Variants in MPP7 observed in about 807,000 individuals in gnomAD.
The protein encoded by MPP7 is MAGUK p55 subfamily member 7.
A neutral mutation model predicts 76.5 loss-of-function variants in MPP7; 60 were observed. The observed-to-expected ratio is 0.78, with a 90% CI of 0.64 to 0.97. The LOEUF (loss-of-function observed/expected upper bound fraction) is 0.97. MPP7 is among the 50% of genes least tolerant of loss of function. The pLI, the probability that MPP7 is intolerant of heterozygous loss-of-function variation, is 0.00. For missense variants in MPP7, 641 were observed against 694.0 expected, an observed-to-expected ratio of 0.92 and a Z score of 0.86; for synonymous variants, 237 against 244.5, an observed-to-expected ratio of 0.97 and a Z score of 0.29.
chr10:28,185,806 AG>A (rs1837217581), intron 3 of MPP7, among the ~76,000 whole-genome samples: 1 of 152,202 alleles, frequency 6.6e-6, no homozygotes, highest in Admixed American at 6.5e-5. Flanking sequence ...GGTGGTGAAT[AG>A]GCCTCCAAGC....
intron 3 of MPP7, among the ~76,000 whole-genome samples, chr10:28,191,733 CT>C (rs2133948024): frequency 6.6e-6 from 1 of 152,318 alleles, no homozygotes; most frequent in East Asian, 1.9e-4. Flanking sequence ...CATTCCAGGT[CT>C]GCAAAATCTA....
intron 2 of MPP7, among the ~76,000 whole-genome samples, chr10:28,215,573 T>C (rs1207377496): frequency 6.6e-6 from 1 of 151,986 alleles, no homozygotes; most frequent in Non-Finnish European, 1.5e-5. Flanking sequence ...AACTTGGAGG[T>C]GCTGAAGTGA....
chr10:28,254,577 G>A (rs1673231), intron 1 of MPP7, among the ~76,000 whole-genome samples: 151,901 of 152,350 alleles, frequency 1, 75,726 homozygotes, highest in Middle Eastern at 1. Flanking sequence ...AGGAAATACT[G>A]AAGATAATTA....
At chr10:28,060,025 T>C (rs1851714211) in intron 13 of MPP7, among the ~76,000 whole-genome samples, 1 of 151,602 alleles carries the variant, frequency 6.6e-6, no homozygotes, top group Non-Finnish European at 1.5e-5. Context: ...ACAAGAGTGC[T>C]ATTTAAACTC....
chr10:28,329,937 C>T (rs1035919533), exon 2 of MPP7: 13 of 152,302 alleles, frequency 8.5e-5, no homozygotes, highest in East Asian at 3.9e-4. Flanking sequence ...ACCTTTCTCC[C>T]TTCTCTTTAT....
At chr10:28,314,984 C>CA (rs1841310115) in intron 2 of MPP7, among the ~76,000 whole-genome samples, 1 of 151,992 alleles carries the variant, frequency 6.6e-6, no homozygotes, top group East Asian at 1.9e-4. Flanking sequence ...CCAATATCTA[C>CA]AAAAAATATA....
At chr10:28,105,511 AATT>A (rs1834295016) in intron 11 of MPP7, among the ~76,000 whole-genome samples, 1 of 152,000 alleles carries the variant, frequency 6.6e-6, no homozygotes, top group Non-Finnish European at 1.5e-5. Flanking sequence ...CAGCTCAGCT[AATT>A]ATTATTATTT....
In MPP7 at chr10:28,238,613, G is replaced by A. The variant is rs1839158463; in HGVS notation, c.-9C>T. 2 of 1,614,016 alleles carry A rather than the reference G, an allele frequency of 1.2e-6. No homozygotes were observed. Among genetic ancestry groups the A allele is most frequent in the African/African-American group, 1.3e-5 (1 of 74,922 alleles). On this transcript the variant is annotated 5_prime_UTR_variant, in exon 2 of 17. Transcript: ENST00000683449. ...GTTGACAAAGCTGGCATGATGCAAG[G>A]TGTAGGAACAGGTCAGCCCACCGCT... is the stretch of plus-strand genomic sequence containing the variant.
Position 28,185,181 on chromosome 10 carries a change from A to C in MPP7, c.156+16972T>G, listed in dbSNP as rs186844416. On this transcript the variant is annotated intron_variant, in intron 3 of 16. Transcript: ENST00000683449. ...TAATGTAATTATTATGATGAAAATA[A>C]GTTATAAATTATTATGTTGTTATAT... is the stretch of plus-strand genomic sequence containing the variant. 1.7e-3 allele frequency among the ~76,000 whole-genome samples: 253 copies of C among 148,600 alleles called. 2 individuals carry two copies. The East Asian group carries it at 0.03, about 18-fold the overall frequency.
intron 2 of MPP7, among the ~76,000 whole-genome samples, chr10:28,221,960 T>C (rs747758469): frequency 1.3e-4 from 20 of 152,176 alleles, no homozygotes; most frequent in Admixed American, 8.5e-4. Context: ...CTAGATATGA[T>C]CTCCATTTTT....
intron 2 of MPP7, among the ~76,000 whole-genome samples, chr10:28,324,213 C>G (rs6481516): frequency 0.3 from 45,996 of 151,886 alleles, 7,192 homozygotes; most frequent in East Asian, 0.43. Flanking sequence ...CAGAAAGCTC[C>G]CTGGCCCCTC....
chr10:28,270,097 T>C (rs1163061548), intron 1 of MPP7, among the ~76,000 whole-genome samples: 5 of 152,186 alleles, frequency 3.3e-5, no homozygotes, highest in Non-Finnish European at 7.3e-5. Context: ...ATGCAATGAC[T>C]TGTAGGCTGG....
chr10:28,253,434 G>A (rs560382602), intron 1 of MPP7, among the ~76,000 whole-genome samples: 2 of 152,306 alleles, frequency 1.3e-5, no homozygotes, highest in Admixed American at 1.3e-4. Flanking sequence ...TGACTTCTCT[G>A]CAGCCGGAGA....
At chr10:28,243,452 G>A (rs941121945) in intron 1 of MPP7, among the ~76,000 whole-genome samples, 3 of 151,242 alleles carry the variant, frequency 2.0e-5, no homozygotes, top group South Asian at 2.1e-4. Flanking sequence ...TGCATGATTC[G>A]GTGAACCAAT....
At chr10:28,140,031 C>A (rs1189728384) in intron 5 of MPP7, among the ~76,000 whole-genome samples, 1 of 152,070 alleles carries the variant, frequency 6.6e-6, no homozygotes, top group Non-Finnish European at 1.5e-5. Flanking sequence ...TTAAATAAGT[C>A]AGGATATTGA....
chr10:28,314,649 A>T (rs1326834505), intron 2 of MPP7, among the ~76,000 whole-genome samples: 1 of 152,242 alleles, frequency 6.6e-6, no homozygotes, highest in Non-Finnish European at 1.5e-5. Context: ...TAGACACTAA[A>T]GCTAGTGGTG....
rs182176489 is a variant in MPP7 at position 28,124,669 on chromosome 10, G to C, written c.529+341C>G. On this transcript the variant is annotated intron_variant, in intron 7 of 16. Coordinates refer to ENST00000683449, the MANE Select transcript of MPP7 (RefSeq NM_001318170.2). ...TTTTTTTTTTTTTGTATTTTTAGTA[G>C]AGACAGGGTTTCACCGTGTTAGCCA... Among the ~76,000 whole-genome samples, 317 of 149,350 alleles carry C rather than the reference G, an allele frequency of 2.1e-3. 7 individuals are homozygous for C. Among genetic ancestry groups the C allele is most frequent in the Non-Finnish European group, 1.4e-3 (92 of 67,522 alleles).
intron 1 of MPP7, among the ~76,000 whole-genome samples, chr10:28,258,193 T>C (rs574913179): frequency 6.6e-6 from 1 of 150,902 alleles, no homozygotes; most frequent in South Asian, 2.1e-4. Flanking sequence ...TCCTTCCACT[T>C]CGTCACACTC....
At chr10:28,296,967 T>TA (rs76208269) in intron 1 of MPP7, among the ~76,000 whole-genome samples, 2,284 of 152,148 alleles carry the variant, frequency 0.015, 37 homozygotes, top group East Asian at 0.071. Flanking sequence ...CACAAGACAT[T>TA]AAAAAAATTC....
Sources: allele counts gnomAD v4.1 joint callset (sites outside exome capture counted in the v4.1 genomes callset), GRCh38; gene constraint gnomAD v4.1.1; transcripts MANE v1.5; gene names NCBI Gene and HGNC (gene_info 2026-07-23, HGNC 2026-07-21).